Variants in DIS3L2 observed in about 807,000 individuals in gnomAD.
The protein encoded by DIS3L2 is DIS3-like exonuclease 2.
DIS3L2 carries 34 observed loss-of-function variants against 97.5 expected under a neutral mutation model. That is an observed-to-expected ratio of 0.35 (90% CI 0.27 to 0.46). DIS3L2 has a LOEUF of 0.46. DIS3L2 is among the 20% of genes least tolerant of loss of function. The probability of loss-of-function intolerance (pLI) is 1.00; values close to 1 mark genes in which losing one functional copy is unlikely to be tolerated. For synonymous variants in DIS3L2, 435 were observed against 445.2 expected, an observed-to-expected ratio of 0.98 and a Z score of 0.29; for missense variants, 1,038 against 1,146.0, an observed-to-expected ratio of 0.91 and a Z score of 1.36.
intron 10 of DIS3L2, among the ~76,000 whole-genome samples, chr2:232,232,969 G>A (rs72994297): frequency 6.6e-6 from 1 of 152,136 alleles, no homozygotes; most frequent in Non-Finnish European, 1.5e-5. Flanking sequence ...CACCCAGAGT[G>A]GGGCCCAGAG....
intron 13 of DIS3L2, among the ~76,000 whole-genome samples, chr2:232,298,495 G>A (rs1302217593): frequency 6.6e-6 from 1 of 152,104 alleles, no homozygotes; most frequent in Admixed American, 6.5e-5. Context: ...TGCTCTGTAG[G>A]GCAAACATGC....
chr2:232,093,532 A>G (rs1696909269), intron 6 of DIS3L2, among the ~76,000 whole-genome samples: 1 of 152,040 alleles, frequency 6.6e-6, no homozygotes, highest in Non-Finnish European at 1.5e-5. Context: ...TTTTCTTTGT[A>G]GGAAGACTTT....
intron 1 of DIS3L2, among the ~76,000 whole-genome samples, chr2:232,005,275 C>T (rs781425839): frequency 1.3e-5 from 2 of 150,452 alleles, no homozygotes; most frequent in Non-Finnish European, 2.9e-5. Flanking sequence ...TTGAAATCTC[C>T]TGTTGGCTTA....
At chr2:231,999,243 G>A (rs1219073312) in intron 1 of DIS3L2, among the ~76,000 whole-genome samples, 2 of 152,054 alleles carry the variant, frequency 1.3e-5, no homozygotes, top group Non-Finnish European at 2.9e-5. Context: ...ATATTTGTAC[G>A]TTTCTACCCT....
Position 232,335,856 on chromosome 2 carries a change from G to T in DIS3L2, c.2478G>T (p.Glu826Asp), listed in dbSNP as rs1329169462. 1.3e-6 allele frequency: 2 copies of T among 1,550,588 alleles called. No homozygotes were observed. The highest frequency in any genetic ancestry group is 2.7e-5 in the African/African-American group (2 of 73,036). The change falls in exon 20 of 21, where the codon GAG becomes GAT. Residue 826 changes from glutamate to aspartate, a missense_variant. Glu to Asp is a conservative substitution (Grantham distance 45). Around this residue, in one of 3 missense-constraint regions of DIS3L2, gnomAD observed 221 missense variants for 246.9 expected, o/e 0.90. Transcript: ENST00000325385. ...LTLVWEPEDMEQEPAQQVITI... is the reference protein window; with the variant it reads ...LTLVWEPEDMDQEPAQQVITI... ...TGGTCTGGGAGCCTGAGGACATGGA[G>T]CAGGAGCCAGCACAGCAGGTCAGAA...
intron 6 of DIS3L2, among the ~76,000 whole-genome samples, chr2:232,089,531 A>T (rs1696776741): frequency 6.6e-6 from 1 of 152,220 alleles, no homozygotes. Context: ...TTTCAGTGAG[A>T]AGAGTGGCAA....
At position 232,330,006 on chromosome 2, in the gene DIS3L2, G is replaced by C. The variant is rs775004760; in HGVS notation, c.1923+10G>C. ...CGCAGGAGCCCTCAATGTGAGTGGTGGGCAGGATTCGGGGGAGGCCCTGCT... is the reference window on the plus strand; with the variant it reads ...CGCAGGAGCCCTCAATGTGAGTGGTCGGCAGGATTCGGGGGAGGCCCTGCT... On this transcript the variant is annotated intron_variant, in intron 15 of 20. Coordinates refer to ENST00000325385, the MANE Select transcript of DIS3L2 (RefSeq NM_152383.5). 1 of 1,600,310 alleles carries C rather than the reference G, an allele frequency of 6.2e-7. No individual in the cohort carries two copies. The highest frequency in any genetic ancestry group is 8.5e-7 in the Non-Finnish European group (1 of 1,171,412).
chr2:232,232,026 C>T (rs72994290), intron 10 of DIS3L2, among the ~76,000 whole-genome samples: 1,868 of 152,060 alleles, frequency 0.012, 18 homozygotes, highest in Non-Finnish European at 0.017. Context: ...GAGAGAACCG[C>T]GGGGAGACCC....
At chr2:232,012,916 G>A (rs904831360) in intron 1 of DIS3L2, among the ~76,000 whole-genome samples, 2 of 152,136 alleles carry the variant, frequency 1.3e-5, no homozygotes, top group Admixed American at 6.5e-5. Context: ...TTATGCAAAT[G>A]ACTGGCTAAC....
intron 5 of DIS3L2, among the ~76,000 whole-genome samples, chr2:232,055,661 A>G (rs1695527253): frequency 6.6e-6 from 1 of 152,228 alleles, no homozygotes; most frequent in Admixed American, 6.5e-5. Context: ...TGAAGGACCA[A>G]AATAACCAAG....
chr2:232,097,137 G>T (rs553394517), intron 6 of DIS3L2, among the ~76,000 whole-genome samples: 1 of 152,316 alleles, frequency 6.6e-6, no homozygotes, highest in East Asian at 1.9e-4. Context: ...GTTACCACAA[G>T]CCCAGTAACA....
intron 10 of DIS3L2, among the ~76,000 whole-genome samples, chr2:232,235,700 A>G (rs952793994): frequency 1.9e-4 from 29 of 152,224 alleles, no homozygotes; most frequent in African/African-American, 6.8e-4. Context: ...CCTTCAGTCA[A>G]TATTTACCTG....
intron 1 of DIS3L2, among the ~76,000 whole-genome samples, chr2:231,962,724 C>T (rs918061888): frequency 9.9e-5 from 15 of 152,152 alleles, no homozygotes; most frequent in Non-Finnish European, 1.9e-4. Flanking sequence ...CGTGAGCCAC[C>T]GCACCCGGCC....
chr2:232,061,408 T>C (rs2106275804), intron 5 of DIS3L2, among the ~76,000 whole-genome samples: 1 of 152,374 alleles, frequency 6.6e-6, no homozygotes, highest in Middle Eastern at 3.4e-3. Context: ...GAGAGCTTCT[T>C]GTTAATGTAA....
intron 6 of DIS3L2, among the ~76,000 whole-genome samples, chr2:232,108,131 C>G (rs879883644): frequency 6.6e-6 from 1 of 151,860 alleles, no homozygotes; most frequent in African/African-American, 2.4e-5. Flanking sequence ...TAAAAATCCT[C>G]AAAAAAAATA....
intron 6 of DIS3L2, among the ~76,000 whole-genome samples, chr2:232,089,972 C>T (rs921775702): frequency 2.0e-5 from 3 of 152,012 alleles, no homozygotes; most frequent in Non-Finnish European, 4.4e-5. Context: ...CTTTTTTGCC[C>T]AGGCTAGAGT....
chr2:232,122,579 G>A (rs984298999), intron 6 of DIS3L2, among the ~76,000 whole-genome samples: 5 of 152,094 alleles, frequency 3.3e-5, no homozygotes, highest in Admixed American at 6.6e-5. Context: ...TTAGCCGGGC[G>A]TGGTGGCAGG....
intron 14 of DIS3L2, among the ~76,000 whole-genome samples, chr2:232,309,431 C>T (rs1286153835): frequency 1.3e-5 from 2 of 152,122 alleles, no homozygotes; most frequent in East Asian, 1.9e-4. Context: ...GACCTCAACA[C>T]AAGTCTGGCC....
intron 3 of DIS3L2, among the ~76,000 whole-genome samples, chr2:232,022,672 A>C (rs1049023671): frequency 6.6e-6 from 1 of 152,168 alleles, no homozygotes; most frequent in African/African-American, 2.4e-5. Flanking sequence ...GTTTGTTTGG[A>C]GTCTCTTCCC....
Sources: gnomAD v4.1 joint callset for allele counts (sites outside exome capture counted in the v4.1 genomes callset) on GRCh38, gnomAD v4.1.1 for gene constraint, gnomAD v4.1.1 regional missense constraint, MANE v1.5 for transcripts, NCBI Gene and HGNC (gene_info 2026-07-23, HGNC 2026-07-21) for gene names.